The following KLRG2 variants were observed in gnomAD, a reference collection of about 807,000 sequenced individuals.
KLRG2 encodes killer cell lectin-like receptor subfamily G member 2.
KLRG2 carries 39 observed loss-of-function variants against 35.4 expected under a neutral mutation model. The observed-to-expected ratio is 1.10, with a 90% CI of 0.85 to 1.44. KLRG2 has a LOEUF of 1.44. Ranked by LOEUF, KLRG2 falls within the 40% of genes most tolerant of loss-of-function variation. The pLI is 0.00. For missense variants in KLRG2, 632 were observed against 570.9 expected, an observed-to-expected ratio of 1.11 and a Z score of -1.09; for synonymous variants, 283 against 265.8, an observed-to-expected ratio of 1.06 and a Z score of -0.63.
chr7:139,474,016 T>TG (rs1796806638), intron 3 of KLRG2, among the ~76,000 whole-genome samples: 2 of 144,718 alleles, frequency 1.4e-5, no homozygotes, highest in African/African-American at 5.0e-5. Context: ...GGCTCAGACT[T>TG]TTTTTTTTTT....
At position 139,483,420 on chromosome 7, in the gene KLRG2, G is replaced by T. The variant is rs1797007309; in HGVS notation, c.223C>A (p.Pro75Thr). 6.4e-7 allele frequency: 1 copy of T among 1,556,392 alleles called. No homozygotes were observed. Among genetic ancestry groups the T allele is most frequent in the Non-Finnish European group, 8.6e-7 (1 of 1,162,986 alleles). ...SSKKKPPSPR[P>T]GSPRVPPLSL... ...AGCGGCGGCACGCGCGGGGACCCGG[G>T]GCGAGGCGAAGGCGGCTTTTTCTTG... is the stretch of plus-strand genomic sequence containing the variant. The change falls in exon 1 of 5, where the codon CCC (proline) becomes ACC (threonine). Residue 75 changes from proline (P) to threonine (T), a missense_variant. By Grantham distance (38) the Pro-to-Thr change is conservative. Transcript: ENST00000340940.
chr7:139,471,334 A>G (rs1221542581), intron 3 of KLRG2, among the ~76,000 whole-genome samples: 1 of 152,190 alleles, frequency 6.6e-6, no homozygotes, highest in Non-Finnish European at 1.5e-5. Context: ...AGAAAAATAT[A>G]CAGCAATAAG....
At chr7:139,454,825 TAATAATAATAATAA>T (rs1236602336) in intron 3 of KLRG2, among the ~76,000 whole-genome samples, 24 of 41,708 alleles carry the variant, frequency 5.8e-4, no homozygotes, top group African/African-American at 2.4e-3. Context: ...CTCAAAATAA[TAATAATAATAATAA>T]TAATAATAAT....
At chr7:139,480,073 T>G in intron 2 of KLRG2, 73 bp downstream of exon 2, 1 of 1,060,792 alleles carries the variant, frequency 9.4e-7, no homozygotes, top group Admixed American at 1.7e-5. Context: ...TCTAAGGTGT[T>G]TTAAGGGCTG....
intron 3 of KLRG2, among the ~76,000 whole-genome samples, chr7:139,467,545 C>A (rs1221673214): frequency 6.6e-6 from 1 of 152,070 alleles, no homozygotes; most frequent in Admixed American, 6.5e-5. Flanking sequence ...CCCCCAACGC[C>A]GTGCTCTCTG....
chr7:139,432,495 TTA>T, the KLRG2 span, among the ~76,000 whole-genome samples: 1 of 152,116 alleles, frequency 6.6e-6, no homozygotes, highest in Non-Finnish European at 1.5e-5. Flanking sequence ...TGATGGGTTT[TTA>T]TATATGTATG....
intron 3 of KLRG2, among the ~76,000 whole-genome samples, chr7:139,473,069 G>C (rs766320643): frequency 1.3e-5 from 2 of 152,124 alleles, no homozygotes; most frequent in Non-Finnish European, 2.9e-5. Context: ...GTCGCTTGAG[G>C]CCAGGAGTTT....
chr7:139,465,835 T>G (rs528862854), intron 3 of KLRG2, among the ~76,000 whole-genome samples: 1 of 152,120 alleles, frequency 6.6e-6, no homozygotes, highest in South Asian at 2.1e-4. Context: ...CATTCCAACT[T>G]CTATCCCTCA....
chr7:139,430,566 C>T, the KLRG2 span, among the ~76,000 whole-genome samples: 2 of 152,206 alleles, frequency 1.3e-5, no homozygotes, highest in Admixed American at 1.3e-4. Context: ...AAACAGGCAG[C>T]TTCTTACAAA....
chr7:139,478,090 C>T (rs1034011991), intron 3 of KLRG2, among the ~76,000 whole-genome samples: 3 of 150,358 alleles, frequency 2.0e-5, no homozygotes, highest in South Asian at 2.2e-4. Context: ...AAAAAAAAGC[C>T]AGGCACAGTG....
chr7:139,457,118 CCAGAGTG>C (rs1028166488), intron 3 of KLRG2, among the ~76,000 whole-genome samples: 1 of 152,180 alleles, frequency 6.6e-6, no homozygotes, highest in African/African-American at 2.4e-5. Context: ...ATCCTAAAGA[CCAGAGTG>C]CATAGGAAAA....
Position 139,454,197 on chromosome 7 carries a change from G to A in KLRG2, c.1023C>T (p.Tyr341=). ...LSHTQDFLGR[Y]PVSRHSWVGA... Reference sequence around the variant, plus strand: ...CCACCCAGGAGTGCCTGGAGACTGGGTATCTGCCCAGGAAGTCCTGAGGGA... The same window carrying A: ...CCACCCAGGAGTGCCTGGAGACTGGATATCTGCCCAGGAAGTCCTGAGGGA... Residue 341 remains tyrosine, a synonymous_variant, in exon 4 of 5, where the codon TAC becomes TAT. Coordinates refer to ENST00000340940, the MANE Select transcript of KLRG2 (RefSeq NM_198508.4). 6.5e-7 allele frequency: 1 copy of A among 1,537,754 alleles called. No homozygotes were observed. The highest frequency in any genetic ancestry group is 8.8e-7 in the Non-Finnish European group (1 of 1,135,808).
At chr7:139,428,427 T>A in the KLRG2 span, among the ~76,000 whole-genome samples, 1,672 of 152,122 alleles carry the variant, frequency 0.011, 27 homozygotes, top group Admixed American at 0.016. Context: ...AAAAATTTTT[T>A]AAATTTTTTT....
At chr7:139,456,005 T>C (rs1445393785) in intron 3 of KLRG2, among the ~76,000 whole-genome samples, 1 of 151,596 alleles carries the variant, frequency 6.6e-6, no homozygotes, top group Non-Finnish European at 1.5e-5. Context: ...AAAATGTAAA[T>C]ATGAAATCAT....
At chr7:139,431,432 T>TTC in the KLRG2 span, among the ~76,000 whole-genome samples, 1 of 151,908 alleles carries the variant, frequency 6.6e-6, no homozygotes. Context: ...TTTTTTTTTT[T>TTC]CCTGTTGGCA....
chr7:139,466,378 T>C (rs920325281), intron 3 of KLRG2, among the ~76,000 whole-genome samples: 2 of 152,174 alleles, frequency 1.3e-5, no homozygotes, highest in African/African-American at 4.8e-5. Context: ...AGTCTGATAA[T>C]GGACCGGCCT....
the KLRG2 span, among the ~76,000 whole-genome samples, chr7:139,441,704 T>C: frequency 6.6e-6 from 1 of 151,056 alleles, no homozygotes; most frequent in East Asian, 1.9e-4. Context: ...CCCAGGGAGG[T>C]AGAGATTGGA....
At chr7:139,439,793 C>G in the KLRG2 span, among the ~76,000 whole-genome samples, 1 of 152,120 alleles carries the variant, frequency 6.6e-6, no homozygotes, top group East Asian at 1.9e-4. Context: ...CCAGGACTAT[C>G]GTAACAAAGT....
At chr7:139,447,885 T>G (rs1796327545), downstream of KLRG2, among the ~76,000 whole-genome samples, 1 of 152,186 alleles carries the variant, frequency 6.6e-6, no homozygotes, top group Non-Finnish European at 1.5e-5. Context: ...CTGCTGCAGC[T>G]CTAAATCTAG....
Sources: allele counts gnomAD v4.1 joint callset (sites outside exome capture counted in the v4.1 genomes callset), GRCh38; gene constraint gnomAD v4.1.1; transcripts MANE v1.5; gene names NCBI Gene and HGNC (gene_info 2026-07-23, HGNC 2026-07-21).